Variants in ACSL3 observed in about 807,000 individuals in gnomAD.
ACSL3 encodes acyl-CoA synthetase long chain family member 3, also known as fatty acid CoA ligase Acsl3.
Under a neutral mutation model 84.7 loss-of-function variants are expected in ACSL3, and 34 were observed. The observed-to-expected ratio is 0.40, with a 90% CI of 0.31 to 0.53. The LOEUF is 0.53. ACSL3 is among the 20% of genes least tolerant of loss of function. The pLI is 0.48. For synonymous variants in ACSL3, 315 were observed against 299.4 expected, an observed-to-expected ratio of 1.05 and a Z score of -0.54; for missense variants, 680 against 873.1, an observed-to-expected ratio of 0.78 and a Z score of 2.79.
chr2:222,922,556 C>CTCTA (rs929617552), intron 8 of ACSL3, 152 bp from the exon 9 acceptor site: 1 of 851,842 alleles, frequency 1.2e-6, no homozygotes. Context: ...TTTCACCTGT[C>CTCTA]TCTCTCTCTC....
chr2:222,933,386 T>A, intron 15 of ACSL3, 106 bp downstream of exon 15: 1 of 733,686 alleles, frequency 1.4e-6, no homozygotes, highest in Non-Finnish European at 2.2e-6. Flanking sequence ...GAACTCTTCC[T>A]ATCTGTTACT....
At position 222,866,820 on chromosome 2, in the gene ACSL3, ATTTTCTTTT is replaced by A. The variant is rs1211076230; in HGVS notation, c.-207+5573_-207+5581del. Among the ~76,000 whole-genome samples, 120 of 109,088 alleles carry A rather than the reference ATTTTCTTTT, an allele frequency of 1.1e-3. 1 individual carries two copies. The highest frequency in any genetic ancestry group is 3.9e-3 in the African/African-American group (111 of 28,338). 71.6% of individuals were successfully genotyped at this position (109,088 alleles called of 152,430 possible). A position where few individuals can be genotyped will look rare whatever the true frequency, so the allele number is the denominator to read the frequency against. ...AGGAAATTGAGAGAATTTAACTAGA[ATTTTCTTTT>A]TTTTCTTTTTCTTTTTTTTTTTTGA... is the stretch of plus-strand genomic sequence containing the variant. On this transcript the variant is annotated intron_variant, in intron 1 of 16. Coordinates refer to ENST00000357430, the MANE Select transcript of ACSL3 (RefSeq NM_004457.5).
chr2:222,876,308 TTTG>T (rs762929311), intron 1 of ACSL3, among the ~76,000 whole-genome samples: 66 of 152,250 alleles, frequency 4.3e-4, no homozygotes, highest in Non-Finnish European at 5.7e-4. Context: ...TATGGTTTTT[TTTG>T]TTGTTGTTGT....
intron 2 of ACSL3, among the ~76,000 whole-genome samples, chr2:222,899,594 C>T (rs1696084060): frequency 6.6e-6 from 1 of 152,090 alleles, no homozygotes; most frequent in Non-Finnish European, 1.5e-5. Context: ...AGGGCGAGTC[C>T]ATAGTGCAAA....
chr2:222,864,983 G>GCATT (rs1218858575), intron 1 of ACSL3, among the ~76,000 whole-genome samples: 2 of 152,198 alleles, frequency 1.3e-5, no homozygotes, highest in South Asian at 4.1e-4. Flanking sequence ...TGTTGCAAGA[G>GCATT]CATTGTGTGA....
chr2:222,892,086 G>A (rs1401873013), intron 2 of ACSL3, among the ~76,000 whole-genome samples: 1 of 152,224 alleles, frequency 6.6e-6, no homozygotes, highest in Non-Finnish European at 1.5e-5. Context: ...CATTGCAACT[G>A]TGTGGGCATA....
At position 222,889,154 on chromosome 2, in the gene ACSL3, CTG is replaced by C. The variant is rs568681150; in HGVS notation, c.-148+1268_-148+1269del. On this transcript the variant is annotated intron_variant, in intron 2 of 16. Coordinates refer to ENST00000357430, the MANE Select transcript of ACSL3 (RefSeq NM_004457.5). The stretch of plus-strand genomic sequence containing the variant: ...AATAGGTAGACATTTATAGAAATGA[CTG>C]TAATTACTGTTGAGGATCAGCTAGG... 6.8e-4 allele frequency among the ~76,000 whole-genome samples: 103 copies of C among 152,248 alleles called. No individual in the cohort carries two copies. The Middle Eastern group carries it at 0.01, about 15-fold the overall frequency.
intron 2 of ACSL3, among the ~76,000 whole-genome samples, 187 bp from the exon 3 acceptor site, chr2:222,900,487 G>A (rs564822319): frequency 6.6e-6 from 1 of 152,094 alleles, no homozygotes; most frequent in South Asian, 2.1e-4. Context: ...GTGTATATTT[G>A]GATGACTCAC....
At chr2:222,895,043 A>T (rs985284799) in intron 2 of ACSL3, among the ~76,000 whole-genome samples, 1 of 152,046 alleles carries the variant, frequency 6.6e-6, no homozygotes, top group Non-Finnish European at 1.5e-5. Flanking sequence ...TGACCCTGAC[A>T]CTACTCTGTC....
At chr2:222,879,082 C>G (rs1293013475) in intron 1 of ACSL3, among the ~76,000 whole-genome samples, 1 of 152,140 alleles carries the variant, frequency 6.6e-6, no homozygotes, top group Non-Finnish European at 1.5e-5. Context: ...TTTGGGAGGC[C>G]AAGGCGGGTG....
At chr2:222,866,840 CTT>C (rs768574686) in intron 1 of ACSL3, among the ~76,000 whole-genome samples, 1 of 111,846 alleles carries the variant, frequency 8.9e-6, no homozygotes, top group Non-Finnish European at 1.7e-5. Flanking sequence ...TTTTCTTTTT[CTT>C]TTTTTTTTTT....
chr2:222,929,754 G>A (rs1226085936), intron 13 of ACSL3, among the ~76,000 whole-genome samples: 1 of 151,750 alleles, frequency 6.6e-6, no homozygotes, highest in African/African-American at 2.4e-5. Flanking sequence ...CTCTAGCCTG[G>A]GTGACAGAGC....
rs566032065 is a variant in ACSL3, at chr2:222,874,468, A to G, written c.-207+13210A>G. On this transcript the variant is annotated intron_variant, in intron 1 of 16. Coordinates refer to ENST00000357430, the MANE Select transcript of ACSL3 (RefSeq NM_004457.5). ...GACTTCGGGAGGCTGAGGAGGAAGG[A>G]TCACTTGCACCCAGGAGTTTGAGAC... is the stretch of plus-strand genomic sequence containing the variant. 2.0e-5 allele frequency among the ~76,000 whole-genome samples: 3 copies of G among 152,298 alleles called. No homozygotes were observed. In the South Asian group the frequency reaches 6.2e-4, roughly 32 times the overall value.
chr2:222,907,411 C>T (rs1696321319), intron 3 of ACSL3, among the ~76,000 whole-genome samples: 1 of 152,088 alleles, frequency 6.6e-6, no homozygotes, highest in South Asian at 2.1e-4. Context: ...AATCGTAGTC[C>T]TGGATTTGGA....
At chr2:222,926,922 A>G in intron 11 of ACSL3, 95 bp from the exon 12 acceptor site, 2 of 1,352,976 alleles carry the variant, frequency 1.5e-6, no homozygotes, top group East Asian at 2.4e-5. Flanking sequence ...CTTAATCTCA[A>G]AATCTCTCAT....
intron 3 of ACSL3, among the ~76,000 whole-genome samples, chr2:222,907,219 C>T (rs976976525): frequency 2.0e-5 from 3 of 152,158 alleles, no homozygotes; most frequent in East Asian, 1.9e-4. Context: ...ATGATCTGTG[C>T]TTGGTGTCCT....
chr2:222,933,288 C>A lies in ACSL3; in HGVS notation c.1847+8C>A. On this transcript the variant is annotated splice_region_variant and intron_variant, in intron 15 of 16. Transcript: ENST00000357430. ...TTGTGCATATGCAAACAGGTAAGAA[C>A]GTGGAATTCATACTACTTTTACTTA... 6.3e-7 allele frequency: 1 copy of A among 1,576,272 alleles called. No homozygotes were observed.
chr2:222,933,006 T>C, intron 14 of ACSL3, 160 bp from the exon 15 acceptor site: 1 of 507,244 alleles, frequency 2.0e-6, no homozygotes, highest in East Asian at 3.2e-5. Context: ...TTTTAATATG[T>C]GCTTTTAATT....
chr2:222,909,279 C>A, intron 4 of ACSL3, 129 bp downstream of exon 4: 3 of 878,030 alleles, frequency 3.4e-6, no homozygotes, highest in Non-Finnish European at 5.2e-6. Context: ...AGGAAGGGGG[C>A]TAGACTACCT....
Sources: gnomAD v4.1 joint callset for allele counts (sites outside exome capture counted in the v4.1 genomes callset) on GRCh38, gnomAD v4.1.1 for gene constraint, MANE v1.5 for transcripts, NCBI Gene and HGNC (gene_info 2026-07-23, HGNC 2026-07-21) for gene names.